The following RBFOX1 variants were observed in gnomAD, a reference collection of about 807,000 sequenced individuals.
RBFOX1 encodes RNA binding fox-1 homolog 1.
A neutral mutation model predicts 57.7 loss-of-function variants in RBFOX1; 8 were observed. The ratio of observed to expected loss-of-function variants is 0.14; its 90% CI spans 0.08 to 0.25. RBFOX1 has a LOEUF of 0.25. Among genes scored for constraint, RBFOX1 ranks in the 10% least tolerant of loss-of-function variants. The pLI is 1.00. For missense variants in RBFOX1, 611 were observed against 548.5 expected (o/e 1.11, Z -1.14); for synonymous variants, 326 against 222.4 (o/e 1.47, Z -4.15).
At chr16:5,299,670 C>T (rs945033485) in intron 1 of RBFOX1, among the ~76,000 whole-genome samples, 1 of 152,186 alleles carries the variant, frequency 6.6e-6, no homozygotes. Context: ...ATATTTGTAA[C>T]TCAATTTGGT....
chr16:6,038,655 A>G (rs750297070), intron 1 of RBFOX1: 2 of 148,506 alleles, frequency 1.3e-5, no homozygotes, highest in East Asian at 2.0e-4. Flanking sequence ...AGCACTTAGT[A>G]GGAGCTTTTG....
chr16:7,021,857 A>C (rs1360022278), intron 3 of RBFOX1, among the ~76,000 whole-genome samples: 1 of 151,188 alleles, frequency 6.6e-6, no homozygotes, highest in South Asian at 2.1e-4. Context: ...TCTTCATTCT[A>C]AATTGCCAGA....
At chr16:7,332,427 G>C (rs1041626913) in intron 4 of RBFOX1, among the ~76,000 whole-genome samples, 7 of 152,188 alleles carry the variant, frequency 4.6e-5, no homozygotes, top group African/African-American at 1.2e-4. Flanking sequence ...GAGAGCGGGA[G>C]GAAAACTAGA....
intron 3 of RBFOX1, among the ~76,000 whole-genome samples, chr16:5,847,786 G>C (rs2056794438): frequency 6.6e-6 from 1 of 152,028 alleles, no homozygotes; most frequent in African/African-American, 2.4e-5. Context: ...CACCTCTTAG[G>C]GTCGTCATGG....
intron 11 of RBFOX1, among the ~76,000 whole-genome samples, chr16:7,653,162 A>C (rs1039926506): frequency 1.6e-4 from 24 of 152,218 alleles, no homozygotes; most frequent in African/African-American, 5.8e-4. Context: ...ACATAGGTAT[A>C]TGATTGATAA....
chr16:7,186,513 CAT>C lies in RBFOX1; in HGVS notation c.27+134418_27+134419del, dbSNP rs566357907. Among the ~76,000 whole-genome samples the C allele has an allele frequency of 7.9e-3, 998 of 126,996 alleles. 19 individuals carry two copies. Among genetic ancestry groups the C allele is most frequent in the African/African-American group, 0.029 (929 of 31,840 alleles). 83.3% of individuals were successfully genotyped at this position (126,996 alleles called of 152,430 possible). ...ATATTTATATAAATATAAGCATAAA[CAT>C]ATTTATATAAATATAAGCATAAACA... On this transcript the variant is annotated intron_variant, in intron 4 of 15. Coordinates refer to ENST00000550418, the MANE Select transcript of RBFOX1 (RefSeq NM_018723.4).
At chr16:5,376,481 G>T (rs1025310582) in intron 1 of RBFOX1, among the ~76,000 whole-genome samples, 2 of 152,138 alleles carry the variant, frequency 1.3e-5, no homozygotes, top group African/African-American at 2.4e-5. Flanking sequence ...CAGGAGAAGG[G>T]TTAGGGATGG....
intron 4 of RBFOX1, among the ~76,000 whole-genome samples, chr16:5,996,840 G>A (rs2060498828): frequency 6.6e-6 from 1 of 152,106 alleles, no homozygotes; most frequent in South Asian, 2.1e-4. Context: ...AACCCTCCAG[G>A]AAGCCAGAGG....
intron 4 of RBFOX1, among the ~76,000 whole-genome samples, chr16:5,998,993 G>T (rs142458968): frequency 1.3e-5 from 2 of 152,148 alleles, no homozygotes; most frequent in East Asian, 1.9e-4. Context: ...TGGATGAACT[G>T]TTATGGGAAA....
intron 4 of RBFOX1, among the ~76,000 whole-genome samples, chr16:5,970,724 C>T (rs1463108708): frequency 1.3e-5 from 2 of 152,234 alleles, no homozygotes; most frequent in East Asian, 1.9e-4. Flanking sequence ...AGAGAAAGGA[C>T]CCTGCGAAAT....
intron 4 of RBFOX1, among the ~76,000 whole-genome samples, chr16:7,234,461 C>T (rs1027653870): frequency 1.4e-4 from 22 of 152,002 alleles, no homozygotes; most frequent in Admixed American, 6.6e-5. Context: ...AATAAGCTCC[C>T]TCATCAGTGA....
intron 3 of RBFOX1, among the ~76,000 whole-genome samples, chr16:5,720,009 A>C (rs912221569): frequency 1.4e-4 from 22 of 151,810 alleles, no homozygotes; most frequent in Non-Finnish European, 2.8e-4. Flanking sequence ...AAGCGGCTGC[A>C]CCATCGTAGG....
At chr16:6,997,636 A>G (rs2092380532) in intron 3 of RBFOX1, among the ~76,000 whole-genome samples, 1 of 152,198 alleles carries the variant, frequency 6.6e-6, no homozygotes, top group South Asian at 2.1e-4. Flanking sequence ...CTTAATTTTT[A>G]AAGGGTCTTT....
chr16:7,353,418 A>G (rs868392571), intron 4 of RBFOX1, among the ~76,000 whole-genome samples: 2 of 152,216 alleles, frequency 1.3e-5, no homozygotes, highest in Non-Finnish European at 2.9e-5. Flanking sequence ...TTTCTTAAAA[A>G]AATTACTCAG....
rs148812943 is a variant in RBFOX1, at chr16:5,337,963, G to A, written c.219+97858G>A. Among the ~76,000 whole-genome samples the A allele has an allele frequency of 4.0e-3, 612 of 152,314 alleles. 5 individuals carry two copies. Among genetic ancestry groups the A allele is most frequent in the African/African-American group, 0.014 (572 of 41,550 alleles). Reference sequence around the variant, plus strand: ...GGAGGCTGAGGTTGGAGGATTGCTTGAGCCCAGGAGATTGAGGCTGCAGTG... The same window carrying A: ...GGAGGCTGAGGTTGGAGGATTGCTTAAGCCCAGGAGATTGAGGCTGCAGTG... On this transcript the variant is annotated intron_variant, in intron 1 of 2. Transcript: ENST00000585867.
intron 3 of RBFOX1, among the ~76,000 whole-genome samples, chr16:5,651,744 C>T (rs1000078806): frequency 1.3e-5 from 2 of 152,028 alleles, no homozygotes; most frequent in East Asian, 1.9e-4. Flanking sequence ...GTTAGATTTG[C>T]ATGAGGAGTT....
intron 1 of RBFOX1, among the ~76,000 whole-genome samples, chr16:5,418,081 C>CAAG (rs2067208338): frequency 1.0e-4 from 2 of 19,860 alleles, no homozygotes; most frequent in African/African-American, 6.2e-4. Context: ...AACTCCATCT[C>CAAG]AACAACAACA....
At chr16:7,057,491 G>C (rs1198603580) in intron 4 of RBFOX1, among the ~76,000 whole-genome samples, 1 of 152,156 alleles carries the variant, frequency 6.6e-6, no homozygotes, top group South Asian at 2.1e-4. Flanking sequence ...CCCCTAAGAT[G>C]TATGTTGCAT....
intron 3 of RBFOX1, among the ~76,000 whole-genome samples, chr16:6,798,135 C>T (rs1397158933): frequency 1.3e-5 from 2 of 152,048 alleles, no homozygotes; most frequent in African/African-American, 2.4e-5. Context: ...AAATAGGTCT[C>T]ATTGTGATTA....
Sources: gnomAD v4.1 joint callset for allele counts (sites outside exome capture counted in the v4.1 genomes callset) on GRCh38, gnomAD v4.1.1 for gene constraint, MANE v1.5 for transcripts, NCBI Gene and HGNC (gene_info 2026-07-23, HGNC 2026-07-21) for gene names.